Variants in CERS6 observed in about 807,000 individuals in gnomAD.
The protein encoded by CERS6 is ceramide synthase 6.
A neutral mutation model predicts 56.8 loss-of-function variants in CERS6; 26 were observed. The observed-to-expected ratio is 0.46, with a 90% CI of 0.34 to 0.63. The LOEUF (loss-of-function observed/expected upper bound fraction) is 0.63, where lower values mean the gene tolerates loss of function less well. CERS6 is among the 30% of genes least tolerant of loss of function. The pLI, the probability that CERS6 is intolerant of heterozygous loss-of-function variation, is 0.01. For synonymous variants in CERS6, 164 were observed against 173.3 expected, an observed-to-expected ratio of 0.95 and a Z score of 0.42; for missense variants, 415 against 467.5, an observed-to-expected ratio of 0.89 and a Z score of 1.04.
intron 4 of CERS6, among the ~76,000 whole-genome samples, chr2:168,646,870 A>G (rs986143472): frequency 2.0e-5 from 3 of 152,084 alleles, no homozygotes; most frequent in African/African-American, 4.8e-5. Context: ...TGGACTCTCT[A>G]TTCTGTTCCA....
chr2:168,672,741 T>G (rs985177766), intron 4 of CERS6, among the ~76,000 whole-genome samples: 5 of 152,244 alleles, frequency 3.3e-5, no homozygotes, highest in Non-Finnish European at 5.9e-5. Context: ...GCAAATCTCT[T>G]CTGTATTGCT....
intron 4 of CERS6, among the ~76,000 whole-genome samples, chr2:168,654,983 T>C (rs894211860): frequency 1.3e-5 from 2 of 152,046 alleles, no homozygotes; most frequent in Non-Finnish European, 2.9e-5. Flanking sequence ...GCCAGTAGAG[T>C]ACAGTCATGC....
chr2:168,627,325 G>A (rs1684612984), intron 3 of CERS6, among the ~76,000 whole-genome samples: 1 of 152,038 alleles, frequency 6.6e-6, no homozygotes, highest in Non-Finnish European at 1.5e-5. Flanking sequence ...TATACTTTTT[G>A]AAATATTATT....
chr2:168,658,313 CGGCT>C, intron 4 of CERS6, among the ~76,000 whole-genome samples: 3 of 152,158 alleles, frequency 2.0e-5, no homozygotes, highest in Non-Finnish European at 4.4e-5. Context: ...AAGTAGATTT[CGGCT>C]CCCCGGCCTG....
intron 4 of CERS6, among the ~76,000 whole-genome samples, chr2:168,676,005 C>CA (rs1015281692): frequency 6.6e-6 from 1 of 152,044 alleles, no homozygotes; most frequent in African/African-American, 2.4e-5. Flanking sequence ...TTTTCTAAAA[C>CA]AAAAAATCAG....
Position 168,456,329 on chromosome 2 carries a change from G to GGGAGCAGCGGCGGCGGCGGCACA in CERS6, c.-117_-95dup. 1.9e-6 allele frequency: 1 copy of GGGAGCAGCGGCGGCGGCGGCACA among 525,040 alleles called. No individual in the cohort carries two copies. Among genetic ancestry groups the GGGAGCAGCGGCGGCGGCGGCACA allele is most frequent in the African/African-American group, 2.0e-5 (1 of 48,804 alleles). The allele number at this position is 525,040 out of a possible 1,614,324, so 32.5% of individuals were successfully genotyped here. A position where few individuals can be genotyped will look rare whatever the true frequency, so the allele number is the denominator to read the frequency against. ...CGCGGAGGAGGCGGCGGCGGCGGGC[G>GGGAGCAGCGGCGGCGGCGGCACA]GGAGCAGCGGCGGCGGCGGCACAGG... On this transcript the variant is annotated 5_prime_UTR_variant, in exon 1 of 10. Coordinates refer to ENST00000305747, the MANE Select transcript of CERS6 (RefSeq NM_203463.3). This position sits in a 1 kb window ranked among gnomAD's most constrained non-coding sequence, Gnocchi z 4.1.
intron 1 of CERS6, among the ~76,000 whole-genome samples, chr2:168,527,938 C>G (rs138031984): frequency 2.2e-3 from 330 of 152,140 alleles, no homozygotes; most frequent in African/African-American, 7.5e-3. Context: ...CCAGCCTGGT[C>G]TCAAACTCCT....
chr2:168,499,125 C>T (rs1207069760), intron 1 of CERS6, among the ~76,000 whole-genome samples: 1 of 152,126 alleles, frequency 6.6e-6, no homozygotes, highest in Admixed American at 6.5e-5. Flanking sequence ...GGCTACCTGC[C>T]CCAGGTCCTG....
At chr2:168,765,832 AT>A in intron 9 of CERS6, 84 bp downstream of exon 9, 5 of 1,226,572 alleles carry the variant, frequency 4.1e-6, no homozygotes, top group Non-Finnish European at 5.7e-6. Context: ...ACTATTCCAT[AT>A]TTCATCAAAA....
At chr2:168,744,298 T>G (rs574988474) in intron 8 of CERS6, among the ~76,000 whole-genome samples, 100 of 152,214 alleles carry the variant, frequency 6.6e-4, no homozygotes, top group African/African-American at 1.9e-3. Flanking sequence ...GAGCCACCGT[T>G]CCCGGCCTGT....
At chr2:168,655,539 G>A (rs1445256727) in intron 4 of CERS6, among the ~76,000 whole-genome samples, 1 of 152,210 alleles carries the variant, frequency 6.6e-6, no homozygotes, top group East Asian at 1.9e-4. Context: ...ATATTATTCA[G>A]CCTTAAAAAG....
chr2:168,525,949 G>T (rs561372638), intron 1 of CERS6, among the ~76,000 whole-genome samples: 55 of 152,034 alleles, frequency 3.6e-4, no homozygotes, highest in Non-Finnish European at 6.5e-4. Flanking sequence ...TGCACATTTG[G>T]TTATTTCTCA....
At chr2:168,652,737 C>T (rs925323544) in intron 4 of CERS6, among the ~76,000 whole-genome samples, 25 of 151,924 alleles carry the variant, frequency 1.6e-4, no homozygotes, top group Non-Finnish European at 1.6e-4. Flanking sequence ...ACAAAAACAT[C>T]CTGGGAAATC....
intron 1 of CERS6, among the ~76,000 whole-genome samples, chr2:168,515,012 A>G (rs77120973): frequency 0.016 from 2,460 of 152,322 alleles, 46 homozygotes; most frequent in African/African-American, 0.057. Context: ...GTATCCACAC[A>G]TGCATATGTG....
chr2:168,589,271 A>G (rs1477185558), intron 3 of CERS6, among the ~76,000 whole-genome samples: 1 of 152,000 alleles, frequency 6.6e-6, no homozygotes, highest in Non-Finnish European at 1.5e-5. Context: ...CCTAATAGGT[A>G]TGAGTTTCGG....
At chr2:168,739,961 C>T (rs948402295) in intron 8 of CERS6, among the ~76,000 whole-genome samples, 5 of 152,208 alleles carry the variant, frequency 3.3e-5, no homozygotes, top group Admixed American at 6.5e-5. Flanking sequence ...CCATCCGCCT[C>T]GGCCTTCCAA....
chr2:168,456,374 G>C lies in CERS6; in HGVS notation c.-75G>C, dbSNP rs529703750. The C allele has an allele frequency of 1.6e-6, 2 of 1,215,902 alleles. No homozygotes were observed. Among genetic ancestry groups the C allele is most frequent in the African/African-American group, 1.6e-5 (1 of 63,578 alleles). 75.3% of individuals were successfully genotyped at this position (1,215,902 alleles called of 1,614,324 possible). A position where few individuals can be genotyped will look rare whatever the true frequency, so the allele number is the denominator to read the frequency against. ...CACAGGCTCGGGGCCAGCCGGGCGC[G>C]CATCCCCGGGCGCCCTGCGCGGTGG... On this transcript the variant is annotated 5_prime_UTR_variant, in exon 1 of 10. Coordinates refer to ENST00000305747, the MANE Select transcript of CERS6 (RefSeq NM_203463.3). This position sits in a 1 kb window ranked among gnomAD's most constrained non-coding sequence, Gnocchi z 4.1.
At chr2:168,656,471 G>A (rs1685472416) in intron 4 of CERS6, among the ~76,000 whole-genome samples, 1 of 152,028 alleles carries the variant, frequency 6.6e-6, no homozygotes, top group Admixed American at 6.5e-5. Context: ...TGTGTTCGGA[G>A]TTTCTTCCTT....
intron 3 of CERS6, among the ~76,000 whole-genome samples, chr2:168,575,030 G>C (rs1440895635): frequency 6.6e-6 from 1 of 152,140 alleles, no homozygotes; most frequent in Non-Finnish European, 1.5e-5. Context: ...CTAAACAGTA[G>C]GGTGAGGTCC....
Sources: allele counts gnomAD v4.1 joint callset (sites outside exome capture counted in the v4.1 genomes callset), GRCh38; gene constraint gnomAD v4.1.1; non-coding constraint Gnocchi (gnomAD v3.1); transcripts MANE v1.5; gene names NCBI Gene and HGNC (gene_info 2026-07-23, HGNC 2026-07-21).